CDKL1: variants seen among roughly 807,000 people sequenced by gnomAD.
CDKL1 encodes cyclin-dependent kinase-like 1.
In CDKL1, 41 loss-of-function variants were observed where a neutral mutation model predicts 42.0. That is an observed-to-expected ratio of 0.98 (90% CI 0.76 to 1.27). CDKL1 has a LOEUF of 1.27. Among genes scored for constraint, CDKL1 ranks in the 50% most tolerant of loss-of-function variants. CDKL1 has a pLI of 0.00. For synonymous variants in CDKL1, 153 were observed against 158.6 expected (o/e 0.96, Z 0.26); for missense variants, 394 against 428.4 (o/e 0.92, Z 0.71).
intron 2 of CDKL1, among the ~76,000 whole-genome samples, chr14:50,394,617 T>A (rs542927226): frequency 1.5e-3 from 232 of 152,342 alleles, no homozygotes; most frequent in Non-Finnish European, 2.2e-3. Context: ...TCTTCCCTTG[T>A]CACATAGTAG....
chr14:50,380,404 C>A (rs1260132206), intron 2 of CDKL1, among the ~76,000 whole-genome samples: 1 of 152,200 alleles, frequency 6.6e-6, no homozygotes, highest in Non-Finnish European at 1.5e-5. Flanking sequence ...TTTCCTGGAA[C>A]TGATATACAC....
At chr14:50,382,695 G>A (rs2034951173) in intron 2 of CDKL1, among the ~76,000 whole-genome samples, 1 of 151,806 alleles carries the variant, frequency 6.6e-6, no homozygotes. Flanking sequence ...CCAGGCTTAG[G>A]TGATCCTCCC....
At chr14:50,390,045 G>A (rs920831715) in intron 2 of CDKL1, 15 of 674,598 alleles carry the variant, frequency 2.2e-5, no homozygotes, top group Non-Finnish European at 3.6e-5. Flanking sequence ...TACCTTCTAA[G>A]GTTGTTATTA....
intron 5 of CDKL1, 46 bp from the exon 6 acceptor site, chr14:50,341,278 G>T: frequency 6.5e-7 from 1 of 1,546,846 alleles, no homozygotes; most frequent in South Asian, 1.2e-5. Context: ...CGGAAGGCTG[G>T]AATCAAAACT....
intron 4 of CDKL1, chr14:50,342,917 A>T: frequency 7.4e-7 from 1 of 1,342,926 alleles, no homozygotes; most frequent in Non-Finnish European, 9.9e-7. Context: ...CTCTGGGGAG[A>T]GTCGCTAGAT....
intron 5 of CDKL1, among the ~76,000 whole-genome samples, chr14:50,341,509 C>T (rs1473824317): frequency 2.1e-5 from 3 of 144,292 alleles, no homozygotes; most frequent in African/African-American, 7.6e-5. Flanking sequence ...CTGGGCACAG[C>T]GGCTCACACT....
At chr14:50,376,194 T>C (rs2034727325) in intron 2 of CDKL1, 1 of 288,474 alleles carries the variant, frequency 3.5e-6, no homozygotes, top group Non-Finnish European at 7.3e-6. Context: ...ATAGTAACTA[T>C]ACCATGCTAA....
chr14:50,376,125 C>A (rs569535934), intron 2 of CDKL1, among the ~76,000 whole-genome samples: 1 of 152,034 alleles, frequency 6.6e-6, no homozygotes, highest in Admixed American at 6.6e-5. Flanking sequence ...TAAAGAAATG[C>A]AAATAAAGTA....
chr14:50,393,019 C>T (rs2035303129), intron 2 of CDKL1, among the ~76,000 whole-genome samples: 1 of 152,184 alleles, frequency 6.6e-6, no homozygotes, highest in South Asian at 2.1e-4. Flanking sequence ...GGCCTGTTAG[C>T]ACCCACTGGG....
chr14:50,390,421 AG>A, intron 2 of CDKL1: 4 of 1,326,448 alleles, frequency 3.0e-6, no homozygotes, highest in Non-Finnish European at 4.0e-6. Context: ...CATTCCACAG[AG>A]AGAAGGTTCA....
intron 2 of CDKL1, among the ~76,000 whole-genome samples, chr14:50,375,013 G>T (rs1418368430): frequency 6.6e-6 from 1 of 152,004 alleles, no homozygotes; most frequent in Non-Finnish European, 1.5e-5. Context: ...TAGATGATGG[G>T]TTGATAGGTG....
chr14:50,336,318 G>A (rs1316787695), intron 7 of CDKL1: 20 of 1,158,952 alleles, frequency 1.7e-5, no homozygotes, highest in Non-Finnish European at 2.2e-5. Flanking sequence ...GAAGCCATGG[G>A]AAGCTTCTTA....
chr14:50,337,129 C>T (rs898049627), intron 7 of CDKL1, among the ~76,000 whole-genome samples: 1 of 152,106 alleles, frequency 6.6e-6, no homozygotes, highest in Non-Finnish European at 1.5e-5. Flanking sequence ...CCACCTCAGC[C>T]TCCCAAGTAG....
chr14:50,332,434 T>C lies in CDKL1; in HGVS notation c.796-2A>G. ...AGTAGGGTCCATGTGGAGACAGCCC[T>C]AAAAGAACAGAAAATTCCTTCTTCT... On this transcript the variant is annotated splice_acceptor_variant, in intron 8 of 9. Transcript: ENST00000395834. LOFTEE classifies it high-confidence loss of function. The C allele has an allele frequency of 6.3e-7, 1 of 1,591,582 alleles. No individual in the cohort carries two copies. The highest frequency in any genetic ancestry group is 8.5e-7 in the Non-Finnish European group (1 of 1,173,056).
chr14:50,388,776 T>G (rs1309803539), intron 2 of CDKL1, among the ~76,000 whole-genome samples: 3 of 152,072 alleles, frequency 2.0e-5, no homozygotes, highest in Non-Finnish European at 4.4e-5. Context: ...TTGCCCAAGG[T>G]CACTCCACAG....
chr14:50,339,082 T>A, intron 6 of CDKL1, 53 bp from the exon 7 acceptor site: 1 of 1,163,234 alleles, frequency 8.6e-7, no homozygotes, highest in Non-Finnish European at 1.3e-6. Flanking sequence ...AACACTGATC[T>A]ATGGTTTTCT....
In CDKL1 at chr14:50,330,057, C is replaced by G; in HGVS notation, c.*17G>C. 1 of 1,600,018 alleles carries G rather than the reference C, an allele frequency of 6.2e-7. No homozygotes were observed. The highest frequency in any genetic ancestry group is 1.7e-4 in the Middle Eastern group (1 of 6,004). Reference sequence around the variant, plus strand: ...CATCTATTGATTCCTTTTTTAAAATCATGTCTCCTAGCTCCTTTAAATGTT... The same window carrying G: ...CATCTATTGATTCCTTTTTTAAAATGATGTCTCCTAGCTCCTTTAAATGTT... On this transcript the variant is annotated 3_prime_UTR_variant, in exon 10 of 10. Coordinates refer to ENST00000395834, the MANE Select transcript of CDKL1 (RefSeq NM_004196.7).
At chr14:50,341,317 T>A in intron 5 of CDKL1, 85 bp from the exon 6 acceptor site, 1 of 1,471,984 alleles carries the variant, frequency 6.8e-7, no homozygotes, top group South Asian at 1.4e-5. Context: ...GTCAAGCCTG[T>A]GCCCAATTTT....
chr14:50,365,335 C>T (rs993943319), intron 2 of CDKL1, among the ~76,000 whole-genome samples: 2 of 152,166 alleles, frequency 1.3e-5, no homozygotes, highest in Non-Finnish European at 2.9e-5. Context: ...ACTTGTCTCT[C>T]CCATCTTCCT....
Sources: gnomAD v4.1 joint callset for allele counts (sites outside exome capture counted in the v4.1 genomes callset) on GRCh38, gnomAD v4.1.1 for gene constraint, MANE v1.5 for transcripts, NCBI Gene and HGNC (gene_info 2026-07-23, HGNC 2026-07-21) for gene names.